The following SPPL2A variants were observed in gnomAD, a reference collection of about 807,000 sequenced individuals.
The protein encoded by SPPL2A is signal peptide peptidase-like 2A.
Under a neutral mutation model 63.8 loss-of-function variants are expected in SPPL2A, and 51 were observed. That is an observed-to-expected ratio of 0.80 (90% CI 0.64 to 1.01). The LOEUF (loss-of-function observed/expected upper bound fraction) is 1.01. Ranked by LOEUF, SPPL2A falls within the 50% of genes least tolerant of loss-of-function variation. The pLI, the probability that SPPL2A is intolerant of heterozygous loss-of-function variation, is 0.00. For missense variants in SPPL2A, 553 were observed against 622.7 expected (o/e 0.89, Z 1.19); for synonymous variants, 188 against 205.8 (o/e 0.91, Z 0.74).
At chr15:50,724,621 A>G (rs1281864159) in intron 12 of SPPL2A, among the ~76,000 whole-genome samples, 2 of 152,072 alleles carry the variant, frequency 1.3e-5, no homozygotes, top group Non-Finnish European at 2.9e-5. Context: ...CTCAGTTGAT[A>G]GAGGAATATT....
intron 4 of SPPL2A, 29 bp downstream of exon 4, chr15:50,748,084 C>A: frequency 1.1e-6 from 1 of 894,104 alleles, no homozygotes; most frequent in Non-Finnish European, 1.6e-6. Context: ...TATTTATAAA[C>A]TTTATCTAAT....
chr15:50,724,523 A>G (rs1256512679), intron 12 of SPPL2A, among the ~76,000 whole-genome samples: 1 of 151,910 alleles, frequency 6.6e-6, no homozygotes, highest in Non-Finnish European at 1.5e-5. Context: ...GGTTGCAGTG[A>G]GCTGAGGTCA....
chr15:50,756,971 A>G (rs1026501088), intron 1 of SPPL2A, among the ~76,000 whole-genome samples: 1 of 152,074 alleles, frequency 6.6e-6, no homozygotes, highest in African/African-American at 2.4e-5. Context: ...AATAATGATC[A>G]CATATTTCTC....
At position 50,707,532 on chromosome 15, in the gene SPPL2A, A is replaced by ATT; in HGVS notation, c.*266_*267dup. ...AAAAAGTATAGGGGTGGGTCAAGGC[A>ATT]TTTTTTTTTAGAAAAATATACTGTA... is the stretch of plus-strand genomic sequence containing the variant. On this transcript the variant is annotated 3_prime_UTR_variant, in exon 15 of 15. Transcript: ENST00000261854. 1 of 304,844 alleles carries ATT rather than the reference A, an allele frequency of 3.3e-6. No homozygotes were observed. Among genetic ancestry groups the ATT allele is most frequent in the African/African-American group, 2.2e-5 (1 of 46,320 alleles). The allele number at this position is 304,844 out of a possible 1,614,324, so 18.9% of individuals were successfully genotyped here. A position where few individuals can be genotyped will look rare whatever the true frequency, so the allele number is the denominator to read the frequency against.
intron 14 of SPPL2A, among the ~76,000 whole-genome samples, chr15:50,713,005 C>T (rs1042439279): frequency 6.6e-6 from 1 of 151,910 alleles, no homozygotes; most frequent in Non-Finnish European, 1.5e-5. Context: ...TTCTTATTCC[C>T]CTACCTCCCT....
chr15:50,728,855 C>T (rs2062708808), intron 10 of SPPL2A, among the ~76,000 whole-genome samples: 1 of 148,908 alleles, frequency 6.7e-6, no homozygotes, highest in African/African-American at 2.5e-5. Context: ...CGCTCTGTTG[C>T]CCGGCTGGAG....
chr15:50,745,504 G>A (rs2062850796), intron 5 of SPPL2A, among the ~76,000 whole-genome samples: 1 of 150,726 alleles, frequency 6.6e-6, no homozygotes, highest in Non-Finnish European at 1.5e-5. Flanking sequence ...GGGCTCAAGT[G>A]AACTGCCCAC....
intron 2 of SPPL2A, among the ~76,000 whole-genome samples, 191 bp downstream of exon 2, chr15:50,749,445 A>G (rs879551094): frequency 1.6e-4 from 25 of 151,642 alleles, no homozygotes; most frequent in Non-Finnish European, 3.1e-4. Flanking sequence ...CTGCCACCAC[A>G]CCCAGCTAAT....
intron 8 of SPPL2A, among the ~76,000 whole-genome samples, chr15:50,735,820 G>A (rs1192599777): frequency 1.3e-5 from 2 of 151,960 alleles, no homozygotes; most frequent in Admixed American, 1.3e-4. Context: ...CAGGTGATCC[G>A]CCTGCCTCGG....
chr15:50,747,494 C>A lies in SPPL2A; in HGVS notation c.584+1G>T. ...AAAACGCTTAAGTTAATTAAACTTA[C>A]AATTCAACTAGTCCACTCCAGTATC... On this transcript the variant is annotated splice_donor_variant, in intron 5 of 14. Transcript: ENST00000261854. LOFTEE classifies it high-confidence loss of function. 1.3e-6 allele frequency: 2 copies of A among 1,595,896 alleles called. No homozygotes were observed. The highest frequency in any genetic ancestry group is 1.7e-6 in the Non-Finnish European group (2 of 1,175,426).
At chr15:50,737,713 A>C (rs549988917) in intron 6 of SPPL2A, among the ~76,000 whole-genome samples, 1 of 152,208 alleles carries the variant, frequency 6.6e-6, no homozygotes, top group East Asian at 1.9e-4. Flanking sequence ...TTGGCCTCCC[A>C]AAGTGCTGGG....
At position 50,706,209 on chromosome 15, in the gene SPPL2A, G is replaced by T. The variant is rs1182126856; in HGVS notation, c.*1591C>A. On this transcript the variant is annotated 3_prime_UTR_variant, in exon 15 of 15. Coordinates refer to ENST00000261854, the MANE Select transcript of SPPL2A (RefSeq NM_032802.4). The stretch of plus-strand genomic sequence containing the variant: ...GATCGAGACCATCCCGGCTAAAACG[G>T]TGAAACCCCGTCTCTACTAAAACTA... The T allele has an allele frequency of 7.9e-5, 12 of 151,540 alleles. No individual in the cohort carries two copies. The South Asian group carries it at 2.1e-3, about 26-fold the overall frequency. The allele number at this position is 151,540 out of a possible 1,614,324, so 9.4% of individuals were successfully genotyped here.
chr15:50,720,517 C>CTTTT lies in SPPL2A; in HGVS notation c.1328-421_1328-418dup, dbSNP rs750969318. On this transcript the variant is annotated intron_variant, in intron 13 of 14. Transcript: ENST00000261854. ...AATAAGCACATACTTTTGAACTTTT[C>CTTTT]TTTTTTTTTTTTTTTTTTCGAAATG... 3.8e-5 allele frequency among the ~76,000 whole-genome samples: 4 copies of CTTTT among 105,586 alleles called. No individual in the cohort carries two copies. The East Asian group carries it at 8.5e-4, about 22-fold the overall frequency. The allele number at this position is 105,586 out of a possible 152,430, so 69.3% of individuals were successfully genotyped here. A position where few individuals can be genotyped will look rare whatever the true frequency, so the allele number is the denominator to read the frequency against.
chr15:50,714,106 G>A (rs1293811447), intron 14 of SPPL2A, among the ~76,000 whole-genome samples: 2 of 152,156 alleles, frequency 1.3e-5, no homozygotes, highest in Non-Finnish European at 2.9e-5. Flanking sequence ...TATTCTGAAT[G>A]TCTTTACCTA....
intron 5 of SPPL2A, among the ~76,000 whole-genome samples, chr15:50,743,900 C>T (rs1417598466): frequency 6.6e-6 from 1 of 151,932 alleles, no homozygotes; most frequent in African/African-American, 2.4e-5. Flanking sequence ...AATTGCCAGG[C>T]GCAGTGGCTC....
chr15:50,755,214 A>G (rs1252813256), intron 1 of SPPL2A, among the ~76,000 whole-genome samples: 2 of 151,856 alleles, frequency 1.3e-5, no homozygotes, highest in African/African-American at 4.8e-5. Flanking sequence ...GCTACTCGGA[A>G]GCCTGAGGCA....
Position 50,765,012 on chromosome 15 carries a change from CA to C in SPPL2A, c.66+455del, listed in dbSNP as rs538358342. Among the ~76,000 whole-genome samples, 136 of 151,866 alleles carry C rather than the reference CA, an allele frequency of 9.0e-4. 1 individual carries two copies. Among genetic ancestry groups the C allele is most frequent in the African/African-American group, 3.1e-3 (129 of 41,432 alleles). The stretch of plus-strand genomic sequence containing the variant: ...TTTTAAAAAGACATCCGTGTTAGTG[CA>C]ATTAAAGTGCAGTCCTCGAACCGCT... On this transcript the variant is annotated intron_variant, in intron 1 of 14. Coordinates refer to ENST00000261854, the MANE Select transcript of SPPL2A (RefSeq NM_032802.4).
At position 50,707,635 on chromosome 15, in the gene SPPL2A, C is replaced by T. The variant is rs930015204; in HGVS notation, c.*165G>A. ...CACAACTTTAACATTAAAAGCAAAG[C>T]GTTTTAGTTATTTATGATGTAACTG... On this transcript the variant is annotated 3_prime_UTR_variant, in exon 15 of 15. Coordinates refer to ENST00000261854, the MANE Select transcript of SPPL2A (RefSeq NM_032802.4). 1.6e-5 allele frequency: 9 copies of T among 558,136 alleles called. No individual in the cohort carries two copies. Among genetic ancestry groups the T allele is most frequent in the South Asian group, 5.1e-5 (2 of 39,428 alleles). The allele number at this position is 558,136 out of a possible 1,614,324, so 34.6% of individuals were successfully genotyped here. A position where few individuals can be genotyped will look rare whatever the true frequency, so the allele number is the denominator to read the frequency against.
At chr15:50,736,006 A>C in intron 8 of SPPL2A, 95 bp downstream of exon 8, 1 of 771,102 alleles carries the variant, frequency 1.3e-6, no homozygotes, top group East Asian at 2.6e-5. Flanking sequence ...CTGGCATAGA[A>C]GCAAAAAAAT....
Sources: allele counts gnomAD v4.1 joint callset (sites outside exome capture counted in the v4.1 genomes callset), GRCh38; gene constraint gnomAD v4.1.1; transcripts MANE v1.5; gene names NCBI Gene and HGNC (gene_info 2026-07-23, HGNC 2026-07-21).